ABHD13: variants seen among roughly 807,000 people sequenced by gnomAD.
The protein encoded by ABHD13 is abhydrolase domain containing 13.
ABHD13 carries 7 observed loss-of-function variants against 25.2 expected under a neutral mutation model. The ratio of observed to expected loss-of-function variants is 0.28; its 90% CI spans 0.16 to 0.52. The LOEUF is 0.52. ABHD13 is among the 20% of genes least tolerant of loss of function. The pLI is 0.96. For missense variants in ABHD13, 302 were observed against 402.7 expected (o/e 0.75, Z 2.14); for synonymous variants, 133 against 136.1 (o/e 0.98, Z 0.16).
chr13:108,222,013 A>C (rs1201076489), intron 1 of ABHD13, among the ~76,000 whole-genome samples: 1 of 151,634 alleles, frequency 6.6e-6, no homozygotes, highest in Non-Finnish European at 1.5e-5. Context: ...AATTTTTTGT[A>C]ATTTTTAGTA....
chr13:108,226,986 C>T (rs913753857), intron 1 of ABHD13, among the ~76,000 whole-genome samples: 1 of 152,176 alleles, frequency 6.6e-6, no homozygotes, highest in South Asian at 2.1e-4. Flanking sequence ...CCCACGCACT[C>T]CGCCACCCCA....
At chr13:108,221,503 G>A (rs1879567459) in intron 1 of ABHD13, among the ~76,000 whole-genome samples, 1 of 152,198 alleles carries the variant, frequency 6.6e-6, no homozygotes, top group South Asian at 2.1e-4. Flanking sequence ...CTGCTGGGAT[G>A]TGGATGTCGG....
chr13:108,224,993 T>G (rs556804631), intron 1 of ABHD13, among the ~76,000 whole-genome samples: 1 of 152,332 alleles, frequency 6.6e-6, no homozygotes, highest in Admixed American at 6.5e-5. Context: ...CTCACTAATA[T>G]CAATGTGACA....
At chr13:108,219,169 C>T (rs963946319) in intron 1 of ABHD13, among the ~76,000 whole-genome samples, 8 of 152,052 alleles carry the variant, frequency 5.3e-5, no homozygotes, top group African/African-American at 1.9e-4. Flanking sequence ...CTAATCACGA[C>T]AGTAACAGGT....
Position 108,230,457 on chromosome 13 carries a change from T to G in ABHD13, c.*225T>G. The G allele has an allele frequency of 2.2e-6, 1 of 450,820 alleles. No individual in the cohort carries two copies. Among genetic ancestry groups the G allele is most frequent in the South Asian group, 3.3e-5 (1 of 30,662 alleles). The allele number at this position is 450,820 out of a possible 1,614,324, so 27.9% of individuals were successfully genotyped here. On this transcript the variant is annotated 3_prime_UTR_variant, in exon 2 of 2. Coordinates refer to ENST00000375898, the MANE Select transcript of ABHD13 (RefSeq NM_032859.3). ...TCAAAACTTTCAGTGTGATTATGTATTCATATCTTCAGTTTAATATGTCAG... is the reference window on the plus strand; with the variant it reads ...TCAAAACTTTCAGTGTGATTATGTAGTCATATCTTCAGTTTAATATGTCAG...
In ABHD13 at chr13:108,229,994, C is replaced by A; in HGVS notation, c.776C>A (p.Pro259His). Residue 259 changes from proline (P) to histidine (H), a missense_variant, in exon 2 of 2, where the codon CCT becomes CAT. Transcript: ENST00000375898. This position sits in a 1 kb window ranked among gnomAD's most constrained non-coding sequence, Gnocchi z 4.7. ...AGAAAAATCTCTCAGTGTAGAATGC[C>A]TTCACTTTTCATCTCTGGACTCTCA... ...SYRKISQCRM[P>H]SLFISGLSDQ... The A allele has an allele frequency of 6.2e-7, 1 of 1,613,228 alleles. No individual in the cohort carries two copies.
chr13:108,219,967 C>CCTTA (rs1033422681), intron 1 of ABHD13, among the ~76,000 whole-genome samples: 3 of 152,134 alleles, frequency 2.0e-5, no homozygotes, highest in African/African-American at 7.2e-5. Flanking sequence ...TTCTAGTTGT[C>CCTTA]CTTACTTTCA....
At chr13:108,228,106 C>T (rs892262645) in intron 1 of ABHD13, among the ~76,000 whole-genome samples, 7 of 151,954 alleles carry the variant, frequency 4.6e-5, no homozygotes, top group Non-Finnish European at 1.0e-4. Context: ...ACGAATAGTA[C>T]ATAAGAAAAT....
At position 108,232,923 on chromosome 13, in the gene ABHD13, A is replaced by C. The variant is rs1879838892; in HGVS notation, c.*2691A>C. ...ACAACTAGAAAGGAAAGTGTGACAC[A>C]GTTTTTAAATTTAGATGTAGAAAAT... On this transcript the variant is annotated 3_prime_UTR_variant, in exon 2 of 2. Coordinates refer to ENST00000375898, the MANE Select transcript of ABHD13 (RefSeq NM_032859.3). 1 of 166,964 alleles carries C rather than the reference A, an allele frequency of 6.0e-6. No individual in the cohort carries two copies. The highest frequency in any genetic ancestry group is 1.5e-5 in the Non-Finnish European group (1 of 68,050). The allele number at this position is 166,964 out of a possible 1,614,324, so 10.3% of individuals were successfully genotyped here. A position where few individuals can be genotyped will look rare whatever the true frequency, so the allele number is the denominator to read the frequency against.
At position 108,222,262 on chromosome 13, in the gene ABHD13, C is replaced by T. The variant is rs1594488307; in HGVS notation, c.-21+3603C>T. The stretch of plus-strand genomic sequence containing the variant: ...GTTATCTATGATACAATAGATTTGT[C>T]TAATTTATTCTCCTACTAACCTTAC... On this transcript the variant is annotated intron_variant, in intron 1 of 1. Coordinates refer to ENST00000375898, the MANE Select transcript of ABHD13 (RefSeq NM_032859.3). 2.0e-5 allele frequency among the ~76,000 whole-genome samples: 3 copies of T among 152,028 alleles called. No homozygotes were observed. In the East Asian group the frequency reaches 5.8e-4, roughly 29 times the overall value.
Position 108,230,172 on chromosome 13 carries a change from C to A in ABHD13, c.954C>A (p.Val318=). The part of the protein sequence containing the change: ...FTALEQFIKE[V]VKSHSPEEMA... ...CACTTGAACAGTTCATCAAAGAAGT[C>A]GTAAAGAGCCATTCTCCTGAAGAAA... The change falls in exon 2 of 2, where the codon GTC becomes GTA. Residue 318 remains valine (V), a synonymous_variant. Transcript: ENST00000375898. 2 of 1,611,032 alleles carry A rather than the reference C, an allele frequency of 1.2e-6. No individual in the cohort carries two copies. The highest frequency in any genetic ancestry group is 1.7e-6 in the Non-Finnish European group (2 of 1,178,382).
chr13:108,229,133 A>G lies in ABHD13; in HGVS notation c.-20-66A>G, dbSNP rs1282035922. On this transcript the variant is annotated intron_variant, in intron 1 of 1. Transcript: ENST00000375898. The surrounding 1 kb of genome is among the most constrained non-coding windows in gnomAD (Gnocchi z 4.7). ...ATGTGGCCTAGTACCATAGTTTATT[A>G]TATTGTGGATTTTTAAAAGAATAGA... The G allele has an allele frequency of 9.7e-6, 12 of 1,242,336 alleles. No homozygotes were observed. Among genetic ancestry groups the G allele is most frequent in the Non-Finnish European group, 1.0e-5 (9 of 896,658 alleles). 77.0% of individuals were successfully genotyped at this position (1,242,336 alleles called of 1,614,324 possible). A position where few individuals can be genotyped will look rare whatever the true frequency, so the allele number is the denominator to read the frequency against.
At position 108,229,606 on chromosome 13, in the gene ABHD13, A is replaced by C. The variant is rs757083564; in HGVS notation, c.388A>C (p.Arg130=). The change falls in exon 2 of 2, where the codon AGG becomes CGG. Residue 130 remains arginine, a synonymous_variant. Coordinates refer to ENST00000375898, the MANE Select transcript of ABHD13 (RefSeq NM_032859.3). This position sits in a 1 kb window ranked among gnomAD's most constrained non-coding sequence, Gnocchi z 4.7. ...TGGGAATGCAGGCAACATAGGTCAC[A>C]GGTTGCCAAATGCATTACTTATGTT... ...FHGNAGNIGH[R]LPNALLMLVN... 36 of 1,613,234 alleles carry C rather than the reference A, an allele frequency of 2.2e-5. No individual in the cohort carries two copies. The highest frequency in any genetic ancestry group is 2.9e-5 in the Non-Finnish European group (34 of 1,179,570).
At chr13:108,227,311 A>G (rs1879695444) in intron 1 of ABHD13, among the ~76,000 whole-genome samples, 1 of 152,120 alleles carries the variant, frequency 6.6e-6, no homozygotes, top group African/African-American at 2.4e-5. Flanking sequence ...TAATTAGATT[A>G]TTTTAAAAAT....
At chr13:108,219,575 G>A (rs1879502279) in intron 1 of ABHD13, among the ~76,000 whole-genome samples, 1 of 152,150 alleles carries the variant, frequency 6.6e-6, no homozygotes, top group Non-Finnish European at 1.5e-5. Context: ...CCGATTTAGT[G>A]TTAATGTCAT....
Position 108,218,660 on chromosome 13 carries a change from G to A in ABHD13, c.-21+1G>A, listed in dbSNP as rs973080778. On this transcript the variant is annotated splice_donor_variant, in intron 1 of 1. Coordinates refer to ENST00000375898, the MANE Select transcript of ABHD13 (RefSeq NM_032859.3). LOFTEE classifies it low-confidence loss of function (5UTR_SPLICE). Reference sequence around the variant, plus strand: ...CTGCGCAGCCTGTCCGCGAGTCTGAGTAAGTGCGGCTCGGGGACCCCGAGC... The same window carrying A: ...CTGCGCAGCCTGTCCGCGAGTCTGAATAAGTGCGGCTCGGGGACCCCGAGC... 1.3e-5 allele frequency: 2 copies of A among 151,812 alleles called. No homozygotes were observed. The highest frequency in any genetic ancestry group is 2.9e-5 in the Non-Finnish European group (2 of 67,862). 9.4% of individuals were successfully genotyped at this position (151,812 alleles called of 1,614,324 possible).
At position 108,230,251 on chromosome 13, in the gene ABHD13, T is replaced by C. The variant is rs373810135; in HGVS notation, c.*19T>C. 152 of 1,521,426 alleles carry C rather than the reference T, an allele frequency of 1.0e-4. No individual in the cohort carries two copies. The highest frequency in any genetic ancestry group is 1.3e-4 in the Non-Finnish European group (147 of 1,127,060). The allele number at this position is 1,521,426 out of a possible 1,614,324, so 94.2% of individuals were successfully genotyped here. A position where few individuals can be genotyped will look rare whatever the true frequency, so the allele number is the denominator to read the frequency against. The stretch of plus-strand genomic sequence containing the variant: ...TATATAATGTTTCCCTTTTTGATTA[T>C]TGCATTGTATTTTAATTTGTGCAGA... On this transcript the variant is annotated 3_prime_UTR_variant, in exon 2 of 2. Coordinates refer to ENST00000375898, the MANE Select transcript of ABHD13 (RefSeq NM_032859.3).
rs1182865443 is a variant in ABHD13, at chr13:108,233,331, T to A, written c.*3099T>A. The A allele has an allele frequency of 6.0e-6, 1 of 166,892 alleles. No homozygotes were observed. Among genetic ancestry groups the A allele is most frequent in the Non-Finnish European group, 1.5e-5 (1 of 67,998 alleles). 10.3% of individuals were successfully genotyped at this position (166,892 alleles called of 1,614,324 possible). A position where few individuals can be genotyped will look rare whatever the true frequency, so the allele number is the denominator to read the frequency against. Reference sequence around the variant, plus strand: ...AGTGAAGGCCATATTTCATTTTTTATAAATTATCTTTCAAGCTCAGATAGC... The same window carrying A: ...AGTGAAGGCCATATTTCATTTTTTAAAAATTATCTTTCAAGCTCAGATAGC... On this transcript the variant is annotated 3_prime_UTR_variant, in exon 2 of 2. Coordinates refer to ENST00000375898, the MANE Select transcript of ABHD13 (RefSeq NM_032859.3).
chr13:108,225,361 A>G (rs1594489855), intron 1 of ABHD13, among the ~76,000 whole-genome samples: 1 of 152,162 alleles, frequency 6.6e-6, no homozygotes, highest in East Asian at 1.9e-4. Flanking sequence ...ATGAAAAGGA[A>G]TGAAATCACT....
Sources: allele counts gnomAD v4.1 joint callset (sites outside exome capture counted in the v4.1 genomes callset), GRCh38; gene constraint gnomAD v4.1.1; non-coding constraint Gnocchi (gnomAD v3.1); transcripts MANE v1.5; gene names NCBI Gene and HGNC (gene_info 2026-07-23, HGNC 2026-07-21).